Variants in NPAS3 observed in about 807,000 individuals in gnomAD.
The protein encoded by NPAS3 is neuronal PAS domain protein 3.
NPAS3 carries 14 observed loss-of-function variants against 73.1 expected under a neutral mutation model. The observed-to-expected ratio is 0.19, with a 90% confidence interval of 0.13 to 0.30. NPAS3 has a LOEUF of 0.30. Ranked by LOEUF, NPAS3 falls within the 10% of genes least tolerant of loss-of-function variation. NPAS3 has a pLI of 1.00. For missense variants in NPAS3, 1,096 were observed against 1,250.0 expected (o/e 0.88, Z 1.86); for synonymous variants, 620 against 541.5 (o/e 1.14, Z -2.01).
chr14:32,954,932 C>G (rs543573283), intron 1 of NPAS3, among the ~76,000 whole-genome samples: 2 of 152,234 alleles, frequency 1.3e-5, no homozygotes, highest in East Asian at 3.9e-4. Context: ...AAGTTGTAAA[C>G]TGTAGTTCTA....
At chr14:33,779,197 C>G (rs2062908706) in intron 9 of NPAS3, among the ~76,000 whole-genome samples, 2 of 152,332 alleles carry the variant, frequency 1.3e-5, no homozygotes, top group African/African-American at 2.4e-5. Context: ...CTCCCAGCCC[C>G]TGAGCCACAG....
intron 2 of NPAS3, among the ~76,000 whole-genome samples, chr14:33,202,108 G>A (rs1414131431): frequency 6.6e-6 from 1 of 151,870 alleles, no homozygotes; most frequent in African/African-American, 2.4e-5. Context: ...TTTCTATATA[G>A]AAATGTTACT....
chr14:33,566,334 G>C (rs1163537129), intron 5 of NPAS3, among the ~76,000 whole-genome samples: 1 of 151,944 alleles, frequency 6.6e-6, no homozygotes, highest in Admixed American at 6.6e-5. Flanking sequence ...TCTCACCAGG[G>C]CAACTTTGTC....
intron 7 of NPAS3, among the ~76,000 whole-genome samples, chr14:33,771,535 G>A (rs184971360): frequency 6.6e-6 from 1 of 152,248 alleles, no homozygotes; most frequent in East Asian, 1.9e-4. Flanking sequence ...CTGGTGGCTG[G>A]GCGCTGTGGC....
Position 33,744,538 on chromosome 14 carries a change from G to A in NPAS3, c.852+9206G>A, listed in dbSNP as rs548150452. 2.0e-5 allele frequency among the ~76,000 whole-genome samples: 3 copies of A among 151,064 alleles called. No homozygotes were observed. In the South Asian group the frequency reaches 6.3e-4, roughly 32 times the overall value. On this transcript the variant is annotated intron_variant, in intron 7 of 11. Transcript: ENST00000356141. ...CATGGTGGCTCACACCTGTAATCCC[G>A]GCATTCTGGGAGGCGAAGGTGGGAG...
At chr14:33,095,635 A>G (rs1041223365) in intron 2 of NPAS3, among the ~76,000 whole-genome samples, 1 of 149,226 alleles carries the variant, frequency 6.7e-6, no homozygotes, top group Non-Finnish European at 1.5e-5. Context: ...AAAGCCTTAC[A>G]CAAAGGCGTG....
At chr14:33,419,484 G>C (rs538264141) in intron 4 of NPAS3, among the ~76,000 whole-genome samples, 5 of 151,878 alleles carry the variant, frequency 3.3e-5, no homozygotes, top group East Asian at 3.9e-4. Context: ...TCTTTATGTA[G>C]TTCTTCATGA....
intron 5 of NPAS3, among the ~76,000 whole-genome samples, chr14:33,638,726 A>C (rs2058595761): frequency 6.6e-6 from 1 of 152,350 alleles, no homozygotes; most frequent in Non-Finnish European, 1.5e-5. Flanking sequence ...CAAATGAGGA[A>C]GTTGAAGCCA....
At chr14:33,354,197 T>C (rs555822023) in intron 3 of NPAS3, among the ~76,000 whole-genome samples, 2 of 152,262 alleles carry the variant, frequency 1.3e-5, no homozygotes, top group African/African-American at 4.8e-5. Flanking sequence ...AGCTTGGGTA[T>C]GTTCCCGTTA....
At chr14:33,447,371 TGTGA>T (rs1353186769) in intron 4 of NPAS3, among the ~76,000 whole-genome samples, 1 of 152,188 alleles carries the variant, frequency 6.6e-6, no homozygotes, top group Admixed American at 6.5e-5. Flanking sequence ...GTGCGTGTGC[TGTGA>T]GTGTGTGTGT....
chr14:33,669,767 C>T (rs576251623), intron 5 of NPAS3, among the ~76,000 whole-genome samples: 10 of 152,254 alleles, frequency 6.6e-5, no homozygotes, highest in Non-Finnish European at 8.8e-5. Context: ...TCTATTTCCC[C>T]GACAGTCTGC....
At chr14:33,163,621 TTG>T (rs1301779041) in intron 2 of NPAS3, among the ~76,000 whole-genome samples, 13 of 141,470 alleles carry the variant, frequency 9.2e-5, no homozygotes, top group Admixed American at 1.4e-4. Context: ...AAGTGTTTTG[TTG>T]TTTTTTTTTT....
At position 33,518,526 on chromosome 14, in the gene NPAS3, G is replaced by A. The variant is rs573123683; in HGVS notation, c.469-41595G>A. On this transcript the variant is annotated intron_variant, in intron 4 of 11. Coordinates refer to ENST00000356141, the Ensembl canonical transcript of NPAS3. ...AGAGAGCTGTCTGCTTTATTGCAATGCCTCATCACTCTGCAATATATCTGT... is the reference window on the plus strand; with the variant it reads ...AGAGAGCTGTCTGCTTTATTGCAATACCTCATCACTCTGCAATATATCTGT... 2.6e-5 allele frequency among the ~76,000 whole-genome samples: 4 copies of A among 151,538 alleles called. No homozygotes were observed. In the East Asian group the frequency reaches 7.8e-4, roughly 29 times the overall value.
chr14:33,206,274 C>T (rs140708877), intron 2 of NPAS3, among the ~76,000 whole-genome samples: 1 of 152,270 alleles, frequency 6.6e-6, no homozygotes, highest in Non-Finnish European at 1.5e-5. Flanking sequence ...CATCTCCAAC[C>T]ATCATTGGCC....
chr14:33,020,766 C>CTT (rs538841125), intron 1 of NPAS3, among the ~76,000 whole-genome samples: 7,844 of 146,286 alleles, frequency 0.054, 236 homozygotes, highest in African/African-American at 0.087. Flanking sequence ...GTTTTTGTTT[C>CTT]TTTTTTTTTT....
chr14:33,094,647 G>T (rs1357728256), intron 2 of NPAS3, among the ~76,000 whole-genome samples: 1 of 151,858 alleles, frequency 6.6e-6, no homozygotes, highest in Admixed American at 6.6e-5. Flanking sequence ...TGTATTTTTC[G>T]TAGAGATGAG....
At chr14:32,969,005 C>T (rs2037310309) in intron 1 of NPAS3, among the ~76,000 whole-genome samples, 1 of 152,162 alleles carries the variant, frequency 6.6e-6, no homozygotes, top group African/African-American at 2.4e-5. Context: ...TCAGCTTCCA[C>T]TTAAAAGTGA....
At chr14:33,288,797 A>G (rs1298617224) in intron 3 of NPAS3, among the ~76,000 whole-genome samples, 2 of 152,098 alleles carry the variant, frequency 1.3e-5, no homozygotes, top group Non-Finnish European at 2.9e-5. Context: ...CAATCTAATC[A>G]TGCACATGTA....
At chr14:33,599,074 T>C (rs937556884) in intron 5 of NPAS3, among the ~76,000 whole-genome samples, 3 of 152,214 alleles carry the variant, frequency 2.0e-5, no homozygotes, top group Admixed American at 1.3e-4. Context: ...ATGTTTTTTT[T>C]ATCAGGCACT....
Sources: allele counts gnomAD v4.1 joint callset (sites outside exome capture counted in the v4.1 genomes callset), GRCh38; gene constraint gnomAD v4.1.1; transcripts MANE v1.5; gene names NCBI Gene and HGNC (gene_info 2026-07-23, HGNC 2026-07-21).